Variants in BDP1 observed in about 807,000 individuals in gnomAD.
BDP1 encodes BDP1 general transcription factor IIIB subunit, also known as transcription factor TFIIIB component B'' homolog.
BDP1 carries 169 observed loss-of-function variants against 266.6 expected under a neutral mutation model. The observed-to-expected ratio is 0.63, with a 90% CI of 0.56 to 0.72. The LOEUF (loss-of-function observed/expected upper bound fraction) is 0.72. Among genes scored for constraint, BDP1 ranks in the 30% least tolerant of loss-of-function variants. The probability of loss-of-function intolerance (pLI) is 0.00; values close to 1 mark genes in which losing one functional copy is unlikely to be tolerated. For synonymous variants in BDP1, 1,090 were observed against 1,022.4 expected (o/e 1.07, Z -1.26); for missense variants, 3,015 against 3,053.8 (o/e 0.99, Z 0.30).
chr5:71,551,242 AG>A (rs1342137361), intron 34 of BDP1, among the ~76,000 whole-genome samples: 37 of 152,268 alleles, frequency 2.4e-4, no homozygotes, highest in African/African-American at 8.9e-4. Context: ...TGGTTTTCCT[AG>A]GCAGAGGACC....
chr5:71,458,753 T>C lies in BDP1; in HGVS notation c.387T>C (p.Thr129=). The change falls in exon 2 of 39, where the codon ACT becomes ACC. Residue 129 remains threonine (T), a synonymous_variant. Coordinates refer to ENST00000358731, the MANE Select transcript of BDP1 (RefSeq NM_018429.3). ...TTAATCAAGAGGCTCCACAGCCAAC[T>C]GCCACTTCAACAAAAGAGAAACAGC... ...STINQEAPQP[T]ATSTKEKQPC... is the part of the protein sequence containing the mutation. 6.2e-7 allele frequency: 1 copy of C among 1,614,124 alleles called. No homozygotes were observed. Among genetic ancestry groups the C allele is most frequent in the Non-Finnish European group, 8.5e-7 (1 of 1,179,986 alleles).
rs1176854895 is a variant in BDP1 at position 71,566,809 on chromosome 5, T to C, written c.*1924T>C. Reference sequence around the variant, plus strand: ...GCCTAAAAGTTAAAACTGTTGACTGTATTATGTAATGATCAGTATTTCAGT... The same window carrying C: ...GCCTAAAAGTTAAAACTGTTGACTGCATTATGTAATGATCAGTATTTCAGT... On this transcript the variant is annotated 3_prime_UTR_variant, in exon 39 of 39. Transcript: ENST00000358731. 1 of 152,264 alleles carries C rather than the reference T, an allele frequency of 6.6e-6. No homozygotes were observed. The highest frequency in any genetic ancestry group is 1.5e-5 in the Non-Finnish European group (1 of 68,048). The allele number at this position is 152,264 out of a possible 1,614,324, so 9.4% of individuals were successfully genotyped here. A position where few individuals can be genotyped will look rare whatever the true frequency, so the allele number is the denominator to read the frequency against.
chr5:71,493,607 T>A (rs1763721521), intron 11 of BDP1, among the ~76,000 whole-genome samples: 1 of 152,200 alleles, frequency 6.6e-6, no homozygotes, highest in South Asian at 2.1e-4. Flanking sequence ...AAAGAGTTGA[T>A]TCTAAAATTG....
intron 2 of BDP1, among the ~76,000 whole-genome samples, chr5:71,459,943 G>T (rs1429916376): frequency 1.3e-5 from 2 of 152,188 alleles, no homozygotes; most frequent in Non-Finnish European, 2.9e-5. Context: ...CATGTATTCT[G>T]CAAGTATTCA....
chr5:71,476,501 G>C (rs1046107135), intron 7 of BDP1, among the ~76,000 whole-genome samples: 2 of 151,540 alleles, frequency 1.3e-5, no homozygotes, highest in South Asian at 4.2e-4. Context: ...TTATTTGTTT[G>C]TTTTTTCCAT....
chr5:71,576,866 T>G, the BDP1 span, among the ~76,000 whole-genome samples: 1 of 152,150 alleles, frequency 6.6e-6, no homozygotes, highest in East Asian at 1.9e-4. Context: ...AAAGATGATA[T>G]GGAAGGCAGC....
chr5:71,513,702 A>T (rs765279274), intron 19 of BDP1, among the ~76,000 whole-genome samples: 36 of 151,980 alleles, frequency 2.4e-4, no homozygotes, highest in Non-Finnish European at 3.7e-4. Context: ...AAAAAATGAC[A>T]ATAATAGTTT....
chr5:71,497,994 A>G (rs1763995881), intron 13 of BDP1, among the ~76,000 whole-genome samples: 2 of 150,732 alleles, frequency 1.3e-5, no homozygotes, highest in Non-Finnish European at 2.9e-5. Context: ...ACTGTCTCCC[A>G]GGCTGGAGTG....
At chr5:71,471,480 T>G (rs1369814311) in intron 7 of BDP1, among the ~76,000 whole-genome samples, 2 of 152,170 alleles carry the variant, frequency 1.3e-5, no homozygotes, top group Non-Finnish European at 2.9e-5. Context: ...TATTTCAGAA[T>G]TTCCTAGGAA....
chr5:71,545,346 T>G (rs1346731379), intron 32 of BDP1, 127 bp downstream of exon 32: 1 of 955,602 alleles, frequency 1.0e-6, no homozygotes, highest in Admixed American at 2.8e-5. Flanking sequence ...TCTTCTTTTT[T>G]TTTTGGAGAC....
At chr5:71,524,841 C>G (rs1445697495) in intron 25 of BDP1, among the ~76,000 whole-genome samples, 7 of 148,928 alleles carry the variant, frequency 4.7e-5, no homozygotes, top group East Asian at 1.9e-4. Flanking sequence ...TGACTCTTAA[C>G]GAGCATGCTG....
chr5:71,475,911 T>A (rs1290202309), intron 7 of BDP1: 1 of 152,534 alleles, frequency 6.6e-6, no homozygotes, highest in Non-Finnish European at 1.5e-5. Context: ...GATTGTGTGG[T>A]CAGCTTTCTC....
chr5:71,570,526 C>T (rs1289769858), downstream of BDP1, among the ~76,000 whole-genome samples: 1 of 152,234 alleles, frequency 6.6e-6, no homozygotes, highest in Non-Finnish European at 1.5e-5. Flanking sequence ...CTATAGGTGT[C>T]ATGCAACACT....
rs1743755740 is a variant in BDP1 at position 71,562,595 on chromosome 5, T to TAA, written c.7743+76_7743+77dup. ...TGAGATTCAACTAGGGAAAACATAG[T>TAA]AATTTGTTATTTTTATTTGATGTCA... is the stretch of plus-strand genomic sequence containing the variant. On this transcript the variant is annotated intron_variant, in intron 38 of 38. Transcript: ENST00000358731. 2.6e-5 allele frequency: 39 copies of TAA among 1,529,404 alleles called. No homozygotes were observed. In the South Asian group the frequency reaches 4.5e-4, roughly 18 times the overall value. 94.7% of individuals were successfully genotyped at this position (1,529,404 alleles called of 1,614,324 possible).
At chr5:71,570,890 A>C (rs903587411), downstream of BDP1, among the ~76,000 whole-genome samples, 1 of 152,230 alleles carries the variant, frequency 6.6e-6, no homozygotes, top group African/African-American at 2.4e-5. Context: ...TGTCTGAATA[A>C]GATGCACATA....
At chr5:71,496,241 C>CAA (rs34456179) in intron 12 of BDP1, among the ~76,000 whole-genome samples, 56,057 of 109,480 alleles carry the variant, frequency 0.51, 12,496 homozygotes, top group South Asian at 0.6. Flanking sequence ...GACTCCATTT[C>CAA]AAAAAAAAAA....
rs201899803 is a variant in BDP1, at chr5:71,542,127, A to G, written c.6274A>G (p.Ser2092Gly). ...TAGGAATACAATTTCTAAAGTGACC[A>G]GTAATTTGAGAATAAGAAGTAGGCT... The part of the protein sequence containing the change: ...PTRNTISKVT[S>G]NLRIRSRLAK... Residue 2092 changes from serine to glycine, a missense_variant, in exon 30 of 39, where the codon AGT becomes GGT. Ser to Gly is a moderately conservative substitution (Grantham distance 56, BLOSUM62 0). Coordinates refer to ENST00000358731, the MANE Select transcript of BDP1 (RefSeq NM_018429.3). 19 of 1,605,646 alleles carry G rather than the reference A, an allele frequency of 1.2e-5. No homozygotes were observed. The highest frequency in any genetic ancestry group is 5.2e-5 in the Admixed American group (3 of 57,502).
At chr5:71,534,844 T>C (rs1182550318) in intron 26 of BDP1, among the ~76,000 whole-genome samples, 1 of 152,210 alleles carries the variant, frequency 6.6e-6, no homozygotes, top group Non-Finnish European at 1.5e-5. Context: ...TTTCTCCATG[T>C]TGGTCAGGCT....
intron 35 of BDP1, among the ~76,000 whole-genome samples, chr5:71,555,541 G>C (rs1743157761): frequency 6.6e-6 from 1 of 151,432 alleles, no homozygotes; most frequent in Non-Finnish European, 1.5e-5. Context: ...CCAGATTCAA[G>C]TGATTCTCCT....
Sources: gnomAD v4.1 joint callset for allele counts (sites outside exome capture counted in the v4.1 genomes callset) on GRCh38, gnomAD v4.1.1 for gene constraint, MANE v1.5 for transcripts, NCBI Gene and HGNC (gene_info 2026-07-23, HGNC 2026-07-21) for gene names.